RBFOX1: variants seen among roughly 807,000 people sequenced by gnomAD.
The protein encoded by RBFOX1 is RNA binding fox-1 homolog 1, also known as RNA binding protein fox-1 homolog 1.
RBFOX1 carries 8 observed loss-of-function variants against 57.7 expected under a neutral mutation model. The observed-to-expected ratio is 0.14, with a 90% confidence interval of 0.08 to 0.25. RBFOX1 has a LOEUF of 0.25. RBFOX1 is among the 10% of genes least tolerant of loss of function. The pLI, the probability that RBFOX1 is intolerant of heterozygous loss-of-function variation, is 1.00. For synonymous variants in RBFOX1, 326 were observed against 222.4 expected (o/e 1.47, Z -4.15); for missense variants, 611 against 548.5 (o/e 1.11, Z -1.14).
intron 4 of RBFOX1, among the ~76,000 whole-genome samples, chr16:5,937,356 C>G (rs1048569971): frequency 1.3e-5 from 2 of 152,146 alleles, no homozygotes; most frequent in Non-Finnish European, 2.9e-5. Context: ...AAGACCTCTA[C>G]CTGCCATTAA....
chr16:6,899,783 A>G (rs1218248967), intron 3 of RBFOX1, among the ~76,000 whole-genome samples: 3 of 152,236 alleles, frequency 2.0e-5, no homozygotes, highest in African/African-American at 7.2e-5. Flanking sequence ...ATACTTACAT[A>G]TTTGAAGTAT....
At chr16:6,625,759 A>T (rs1286223282) in intron 2 of RBFOX1, among the ~76,000 whole-genome samples, 15 of 152,040 alleles carry the variant, frequency 9.9e-5, no homozygotes, top group Non-Finnish European at 1.3e-4. Context: ...GCCTCATTAC[A>T]TTTGCAAGTG....
At chr16:5,251,116 C>T (rs2062439714) in intron 1 of RBFOX1, among the ~76,000 whole-genome samples, 1 of 139,144 alleles carries the variant, frequency 7.2e-6, no homozygotes, top group African/African-American at 2.5e-5. Context: ...CCCCGCAGAC[C>T]CTGCTAACGG....
At chr16:6,200,330 C>T (rs976028084) in intron 1 of RBFOX1, among the ~76,000 whole-genome samples, 1 of 151,858 alleles carries the variant, frequency 6.6e-6, no homozygotes, top group Non-Finnish European at 1.5e-5. Flanking sequence ...TTGTATGCCC[C>T]GAAAGAGAGC....
In RBFOX1 at chr16:7,323,870, C is replaced by T. The variant is rs184180981; in HGVS notation, c.28-194277C>T. On this transcript the variant is annotated intron_variant, in intron 4 of 15. Transcript: ENST00000550418. Reference sequence around the variant, plus strand: ...GGTCTGATACATAATTCTCAAAAAGCAGATAATCCAATAGATAGCAAAATG... The same window carrying T: ...GGTCTGATACATAATTCTCAAAAAGTAGATAATCCAATAGATAGCAAAATG... Among the ~76,000 whole-genome samples the T allele has an allele frequency of 5.9e-3, 905 of 152,226 alleles. 5 individuals carry two copies. Among genetic ancestry groups the T allele is most frequent in the Non-Finnish European group, 8.4e-3 (568 of 68,010 alleles).
upstream of RBFOX1, among the ~76,000 whole-genome samples, chr16:6,014,887 A>G (rs1362807297): frequency 6.8e-6 from 1 of 146,724 alleles, no homozygotes; most frequent in Non-Finnish European, 1.5e-5. Flanking sequence ...ACCAAGTCTC[A>G]CTCTTTTGCC....
chr16:6,340,628 G>A (rs809062), intron 2 of RBFOX1, among the ~76,000 whole-genome samples: 28,080 of 152,142 alleles, frequency 0.18, 2,902 homozygotes, highest in African/African-American at 0.28. Flanking sequence ...GAGTGTAGCA[G>A]TGAGGACAAC....
intron 3 of RBFOX1, among the ~76,000 whole-genome samples, chr16:5,842,932 C>A (rs1200993223): frequency 6.6e-6 from 1 of 152,156 alleles, no homozygotes; most frequent in African/African-American, 2.4e-5. Context: ...GATTGTCCTG[C>A]CTCAGCCTCC....
intron 1 of RBFOX1, among the ~76,000 whole-genome samples, chr16:5,307,603 C>G (rs539368747): frequency 6.6e-6 from 1 of 152,234 alleles, no homozygotes; most frequent in African/African-American, 2.4e-5. Flanking sequence ...TGATCTCACA[C>G]ACACCGGGAA....
At chr16:5,835,916 C>T (rs1483768283) in intron 3 of RBFOX1, among the ~76,000 whole-genome samples, 1 of 152,148 alleles carries the variant, frequency 6.6e-6, no homozygotes, top group Non-Finnish European at 1.5e-5. Flanking sequence ...TTGCTCCTTG[C>T]ACCCGCCGCC....
chr16:6,485,785 A>G (rs1471123656), intron 2 of RBFOX1, among the ~76,000 whole-genome samples: 1 of 152,172 alleles, frequency 6.6e-6, no homozygotes, highest in East Asian at 1.9e-4. Flanking sequence ...GACTAAGCTT[A>G]TTTTTACATT....
chr16:5,443,400 C>T (rs544929989), intron 1 of RBFOX1, among the ~76,000 whole-genome samples: 45 of 152,244 alleles, frequency 3.0e-4, no homozygotes, highest in Non-Finnish European at 4.4e-4. Flanking sequence ...TGCAGTGTCG[C>T]GATCTTGGCT....
chr16:6,757,751 A>T (rs1231915728), intron 3 of RBFOX1, among the ~76,000 whole-genome samples: 2 of 152,182 alleles, frequency 1.3e-5, no homozygotes, highest in Non-Finnish European at 2.9e-5. Flanking sequence ...GATGATGGTT[A>T]AAAACAATTT....
At chr16:5,654,122 G>A (rs117612784) in intron 3 of RBFOX1, among the ~76,000 whole-genome samples, 1 of 152,156 alleles carries the variant, frequency 6.6e-6, no homozygotes, top group Non-Finnish European at 1.5e-5. Context: ...ATACTAGCTC[G>A]AGCATGCACC....
rs746443916 is a variant in RBFOX1 at position 6,732,878 on chromosome 16, C to A, written c.-16+78228C>A. Among the ~76,000 whole-genome samples, 2 of 152,142 alleles carry A rather than the reference C, an allele frequency of 1.3e-5. 1 individual carries two copies. Among genetic ancestry groups the A allele is most frequent in the South Asian group, 4.1e-4 (2 of 4,830 alleles). On this transcript the variant is annotated intron_variant, in intron 3 of 15. Transcript: ENST00000550418. ...TAAACTTTTCACAACAAATTTGCATCTGAAAGTTTGTTGATCCTTGTGTTA... is the reference window on the plus strand; with the variant it reads ...TAAACTTTTCACAACAAATTTGCATATGAAAGTTTGTTGATCCTTGTGTTA...
At chr16:7,071,975 T>C (rs557443263) in intron 4 of RBFOX1, among the ~76,000 whole-genome samples, 2 of 152,286 alleles carry the variant, frequency 1.3e-5, no homozygotes, top group Admixed American at 1.3e-4. Context: ...CTAATATCTC[T>C]TAAGTCTATG....
chr16:7,708,857 A>AT (rs1292071538), intron 14 of RBFOX1, among the ~76,000 whole-genome samples, 199 bp from the exon 15 acceptor site: 13 of 152,172 alleles, frequency 8.5e-5, no homozygotes, highest in African/African-American at 3.1e-4. Context: ...AAACATAGCA[A>AT]TAGCAACCAT....
rs575065106 is a variant in RBFOX1 at position 6,712,555 on chromosome 16, C to T, written c.-16+57905C>T. Among the ~76,000 whole-genome samples, 19 of 152,228 alleles carry T rather than the reference C, an allele frequency of 1.2e-4. 1 individual carries two copies. In the South Asian group the frequency reaches 3.5e-3, roughly 28 times the overall value. ...ACACAGGGCATCATCTTCTGAAACT[C>T]AACACCCAAGCTTCAGTCCAATGTC... On this transcript the variant is annotated intron_variant, in intron 3 of 15. Coordinates refer to ENST00000550418, the MANE Select transcript of RBFOX1 (RefSeq NM_018723.4).
intron 3 of RBFOX1, among the ~76,000 whole-genome samples, chr16:5,616,527 G>A (rs1465970941): frequency 3.3e-5 from 5 of 151,654 alleles, no homozygotes; most frequent in African/African-American, 4.8e-5. Flanking sequence ...AGATGCCGCT[G>A]TCTGCCCTCT....
Sources: gnomAD v4.1 joint callset for allele counts (sites outside exome capture counted in the v4.1 genomes callset) on GRCh38, gnomAD v4.1.1 for gene constraint, MANE v1.5 for transcripts, NCBI Gene and HGNC (gene_info 2026-07-23, HGNC 2026-07-21) for gene names.